ADAMTS6: variants seen among roughly 807,000 people sequenced by gnomAD.
ADAMTS6 encodes ADAM metallopeptidase with thrombospondin type 1 motif 6, also known as A disintegrin and metalloproteinase with thrombospondin motifs 6.
Under a neutral mutation model 144.3 loss-of-function variants are expected in ADAMTS6, and 23 were observed. That is an observed-to-expected ratio of 0.16 (90% CI 0.11 to 0.23). The LOEUF (loss-of-function observed/expected upper bound fraction) is 0.23. Among genes scored for constraint, ADAMTS6 ranks in the 10% least tolerant of loss-of-function variants. The probability of loss-of-function intolerance (pLI) is 1.00; values close to 1 mark genes in which losing one functional copy is unlikely to be tolerated. For missense variants in ADAMTS6, 999 were observed against 1,379.6 expected, an observed-to-expected ratio of 0.72 and a Z score of 4.37; for synonymous variants, 444 against 457.5, an observed-to-expected ratio of 0.97 and a Z score of 0.38.
chr5:65,295,993 G>A (rs983063644), intron 10 of ADAMTS6, among the ~76,000 whole-genome samples: 4 of 151,966 alleles, frequency 2.6e-5, no homozygotes, highest in Non-Finnish European at 4.4e-5. Flanking sequence ...ATGCACTCAT[G>A]GCTTTGTTTC....
At chr5:65,428,218 T>C (rs1580686535) in intron 7 of ADAMTS6, among the ~76,000 whole-genome samples, 1 of 115,368 alleles carries the variant, frequency 8.7e-6, no homozygotes, top group African/African-American at 4.0e-5. Flanking sequence ...AGAGTGAGAC[T>C]CCATCTCAAA....
chr5:65,446,513 A>C (rs1267440701), intron 7 of ADAMTS6, among the ~76,000 whole-genome samples: 1 of 152,208 alleles, frequency 6.6e-6, no homozygotes, highest in Non-Finnish European at 1.5e-5. Context: ...AGATGTATTT[A>C]TAAATCCTGT....
intron 7 of ADAMTS6, among the ~76,000 whole-genome samples, chr5:65,391,164 G>A (rs1248743339): frequency 6.6e-6 from 1 of 152,128 alleles, no homozygotes; most frequent in East Asian, 1.9e-4. Flanking sequence ...CAAGCGATCT[G>A]CTGAACTTGG....
chr5:65,383,188 C>T (rs1018666293), intron 7 of ADAMTS6, among the ~76,000 whole-genome samples: 1 of 152,126 alleles, frequency 6.6e-6, no homozygotes, highest in African/African-American at 2.4e-5. Flanking sequence ...TCCGACCCCA[C>T]AAAATTCACA....
rs748200907 is a variant in ADAMTS6, at chr5:65,242,178, C to T, written c.1859G>A (p.Arg620Gln). The change falls in exon 15 of 25, where the codon CGA becomes CAA. Residue 620 changes from arginine to glutamine, a missense_variant. Arg to Gln is a conservative substitution (Grantham distance 43). Transcript: ENST00000381055. ...GTCAAAGTCTGCACACTGTTTCTCT[C>T]GAAAATCTCGGGAACCCAAAGGGCA... ...DPCPLGSRDF[R>Q]EKQCADFDNM... 1.9e-6 allele frequency: 3 copies of T among 1,596,444 alleles called. No individual in the cohort carries two copies. Among genetic ancestry groups the T allele is most frequent in the Non-Finnish European group, 8.6e-7 (1 of 1,169,090 alleles).
At chr5:65,412,080 T>C (rs772996236) in intron 7 of ADAMTS6, among the ~76,000 whole-genome samples, 1 of 152,212 alleles carries the variant, frequency 6.6e-6, no homozygotes, top group Non-Finnish European at 1.5e-5. Flanking sequence ...CTGTCCATTT[T>C]ATGGGTAAAG....
intron 18 of ADAMTS6, among the ~76,000 whole-genome samples, chr5:65,220,106 T>TA (rs1757213683): frequency 6.6e-6 from 1 of 152,262 alleles, no homozygotes; most frequent in South Asian, 2.1e-4. Flanking sequence ...TGCTAGACTA[T>TA]AAAAAAACCT....
intron 18 of ADAMTS6, among the ~76,000 whole-genome samples, chr5:65,216,581 TAA>T (rs1261102911): frequency 2.0e-5 from 3 of 151,734 alleles, no homozygotes; most frequent in Non-Finnish European, 4.4e-5. Context: ...AAAACAAAGT[TAA>T]AAAAAGAGAA....
intron 22 of ADAMTS6, among the ~76,000 whole-genome samples, chr5:65,182,876 C>G (rs1308323967): frequency 6.6e-6 from 1 of 151,964 alleles, no homozygotes; most frequent in African/African-American, 2.4e-5. Context: ...GAAAATCAAC[C>G]AGATTTTCAA....
rs147012693 is a variant in ADAMTS6 at position 65,219,538 on chromosome 5, G to T, written c.2273-4051C>A. 6.1e-3 allele frequency among the ~76,000 whole-genome samples: 929 copies of T among 152,228 alleles called. 8 individuals are homozygous for T. Among genetic ancestry groups the T allele is most frequent in the Non-Finnish European group, 9.1e-3 (620 of 68,018 alleles). On this transcript the variant is annotated intron_variant, in intron 18 of 24. Coordinates refer to ENST00000381055, the MANE Select transcript of ADAMTS6 (RefSeq NM_197941.4). ...CAAACACTGATCAGAAGACAGCTGG[G>T]GTAGCTAGATTAGTATCAGATAAAA...
chr5:65,273,554 C>T (rs17814262), intron 11 of ADAMTS6, 107 bp from the exon 12 acceptor site: 12 of 828,946 alleles, frequency 1.4e-5, no homozygotes, highest in African/African-American at 3.3e-5. Context: ...ACCCTGGGTA[C>T]CTTTTGCTGC....
intron 7 of ADAMTS6, among the ~76,000 whole-genome samples, chr5:65,377,882 G>A (rs1002656647): frequency 6.6e-6 from 1 of 152,180 alleles, no homozygotes; most frequent in Non-Finnish European, 1.5e-5. Flanking sequence ...AAACCTGTAA[G>A]GGAGAATCCT....
In ADAMTS6 at chr5:65,233,640, T is replaced by C. The variant is rs561037744; in HGVS notation, c.1934-7421A>G. Among the ~76,000 whole-genome samples, 5 of 152,010 alleles carry C rather than the reference T, an allele frequency of 3.3e-5. No homozygotes were observed. In the South Asian group the frequency reaches 8.3e-4, roughly 25 times the overall value. On this transcript the variant is annotated intron_variant, in intron 15 of 24. Transcript: ENST00000381055. Reference sequence around the variant, plus strand: ...TGAAAAAAATTGAAGAAGACACAAATAATGGAAAGATGTCACGTGTTCATG... The same window carrying C: ...TGAAAAAAATTGAAGAAGACACAAACAATGGAAAGATGTCACGTGTTCATG...
chr5:65,199,629 T>C (rs1430937461), intron 20 of ADAMTS6, among the ~76,000 whole-genome samples: 5 of 147,666 alleles, frequency 3.4e-5, no homozygotes, highest in Non-Finnish European at 7.4e-5. Flanking sequence ...TTCAGGGCTA[T>C]TTTGCTCTTT....
chr5:65,347,237 C>A (rs959785447), intron 7 of ADAMTS6, among the ~76,000 whole-genome samples: 3 of 151,750 alleles, frequency 2.0e-5, no homozygotes, highest in Non-Finnish European at 4.4e-5. Context: ...CCTCAAATAG[C>A]CACAGCAACC....
chr5:65,320,613 T>C (rs564755934), intron 9 of ADAMTS6, among the ~76,000 whole-genome samples: 2 of 151,942 alleles, frequency 1.3e-5, no homozygotes, highest in African/African-American at 4.8e-5. Context: ...CATAGGTAAA[T>C]TTGTGTCATG....
intron 9 of ADAMTS6, among the ~76,000 whole-genome samples, chr5:65,324,111 T>C (rs991808740): frequency 1.1e-4 from 16 of 152,216 alleles, no homozygotes; most frequent in Non-Finnish European, 2.1e-4. Flanking sequence ...GTGCAGAAGC[T>C]CTTTAGTTTA....
intron 7 of ADAMTS6, among the ~76,000 whole-genome samples, chr5:65,443,104 T>A (rs1757993819): frequency 6.6e-6 from 1 of 152,204 alleles, no homozygotes; most frequent in Admixed American, 6.5e-5. Context: ...GTTGATTCTA[T>A]GTCTCTGCTA....
chr5:65,465,501 T>C (rs1049684613), intron 3 of ADAMTS6, among the ~76,000 whole-genome samples: 2 of 152,160 alleles, frequency 1.3e-5, no homozygotes, highest in Non-Finnish European at 2.9e-5. Context: ...ACCACACTTC[T>C]GCCTGCTACT....
Sources: allele counts gnomAD v4.1 joint callset (sites outside exome capture counted in the v4.1 genomes callset), GRCh38; gene constraint gnomAD v4.1.1; transcripts MANE v1.5; gene names NCBI Gene and HGNC (gene_info 2026-07-23, HGNC 2026-07-21).